The following URI1 variants were observed in gnomAD, a reference collection of about 807,000 sequenced individuals.
URI1 encodes the protein unconventional prefoldin RPB5 interactor 1.
Under a neutral mutation model 60.2 loss-of-function variants are expected in URI1, and 39 were observed. The ratio of observed to expected loss-of-function variants is 0.65; its 90% CI spans 0.50 to 0.85. URI1 has a LOEUF of 0.85. URI1 is among the 40% of genes least tolerant of loss of function. The probability of loss-of-function intolerance (pLI) is 0.00; values close to 1 mark genes in which losing one functional copy is unlikely to be tolerated. For synonymous variants in URI1, 251 were observed against 236.8 expected, an observed-to-expected ratio of 1.06 and a Z score of -0.55; for missense variants, 691 against 665.9, an observed-to-expected ratio of 1.04 and a Z score of -0.42.
intron 1 of URI1, among the ~76,000 whole-genome samples, chr19:29,953,275 A>G (rs575675383): frequency 4.6e-5 from 7 of 152,166 alleles, no homozygotes; most frequent in South Asian, 4.1e-4. Flanking sequence ...TTTGGTTACA[A>G]TGGCCACATC....
In URI1 at chr19:29,942,604, C is replaced by A. The variant is rs767019685; in HGVS notation, c.57C>A (p.Ala19=). The A allele has an allele frequency of 6.1e-6, 9 of 1,473,394 alleles. No homozygotes were observed. The highest frequency in any genetic ancestry group is 1.3e-5 in the South Asian group (1 of 76,110). The allele number at this position is 1,473,394 out of a possible 1,614,324, so 91.3% of individuals were successfully genotyped here. Residue 19 remains alanine, a synonymous_variant, in exon 1 of 11, where the codon GCC becomes GCA. Transcript: ENST00000392271. Reference sequence around the variant, plus strand: ...ACCCCTCGCCCCCTTCGGCCCCGGCCCCTGCCCTGGTTCCGTTGCGCGCCC... The same window carrying A: ...ACCCCTCGCCCCCTTCGGCCCCGGCACCTGCCCTGGTTCCGTTGCGCGCCC... The part of the protein sequence containing the change: ...PPDPSPPSAP[A]PALVPLRAPD...
intron 2 of URI1, among the ~76,000 whole-genome samples, chr19:29,974,457 A>G (rs1036312907): frequency 1.3e-5 from 2 of 152,242 alleles, no homozygotes; most frequent in Admixed American, 1.3e-4. Context: ...AGAATTTCAA[A>G]TGAAAGGTGA....
chr19:29,950,404 CT>C (rs1568411990), intron 1 of URI1, among the ~76,000 whole-genome samples: 1 of 152,022 alleles, frequency 6.6e-6, no homozygotes, highest in African/African-American at 2.4e-5. Flanking sequence ...ATGTCTCAAT[CT>C]TTTTAGTCTG....
At chr19:29,963,877 C>T (rs972852879) in intron 1 of URI1, among the ~76,000 whole-genome samples, 8 of 152,158 alleles carry the variant, frequency 5.3e-5, no homozygotes, top group African/African-American at 1.7e-4. Context: ...CTCACTACAC[C>T]ATATTTCCTT....
At chr19:29,957,058 C>T in intron 1 of URI1, 1 of 544,834 alleles carries the variant, frequency 1.8e-6, no homozygotes, top group Non-Finnish European at 3.3e-6. Context: ...TGGATGATGT[C>T]ATTTTGTCAT....
intron 8 of URI1, 48 bp from the exon 9 acceptor site, chr19:30,011,046 T>C: frequency 6.3e-7 from 1 of 1,577,266 alleles, no homozygotes; most frequent in Non-Finnish European, 8.6e-7. Flanking sequence ...GGTTTCACTT[T>C]GATTTAATTT....
chr19:29,927,703 A>G (rs1268297379), intron 1 of URI1, among the ~76,000 whole-genome samples: 1 of 150,110 alleles, frequency 6.7e-6, no homozygotes, highest in African/African-American at 2.5e-5. Flanking sequence ...CAGCCTCCCC[A>G]GTAGCTGGGA....
intron 1 of URI1, among the ~76,000 whole-genome samples, chr19:29,927,640 G>A (rs1193132094): frequency 1.6e-5 from 2 of 128,926 alleles, no homozygotes; most frequent in Admixed American, 9.2e-5. Flanking sequence ...GCAATGGCGT[G>A]ATCTCAGCTC....
intron 2 of URI1, among the ~76,000 whole-genome samples, chr19:29,984,197 G>T (rs982316988): frequency 6.6e-6 from 1 of 152,160 alleles, no homozygotes; most frequent in Non-Finnish European, 1.5e-5. Context: ...AGGCTGCGGT[G>T]GGGGGATCGC....
Position 30,011,181 on chromosome 19 carries a change from A to G in URI1, c.1123A>G (p.Ser375Gly), listed in dbSNP as rs1271256746. Residue 375 changes from serine to glycine, a missense_variant, in exon 9 of 11, where the codon AGT becomes GGT. Physicochemically the swap from Ser to Gly is moderately conservative, Grantham distance 56. Transcript: ENST00000392271. ...ACGTAAACGAAAGAACAGCACTGGCAGTGGCCACTCTGCCCAGGAGCTGCC... is the reference window on the plus strand; with the variant it reads ...ACGTAAACGAAAGAACAGCACTGGCGGTGGCCACTCTGCCCAGGAGCTGCC... ...AKRKRKNSTG[S>G]GHSAQELPTI... 1.2e-6 allele frequency: 2 copies of G among 1,612,512 alleles called. No homozygotes were observed. The highest frequency in any genetic ancestry group is 1.7e-6 in the Non-Finnish European group (2 of 1,179,460).
At chr19:29,996,603 C>G (rs1310238877) in intron 4 of URI1, among the ~76,000 whole-genome samples, 1 of 151,872 alleles carries the variant, frequency 6.6e-6, no homozygotes. Flanking sequence ...ATTTGTTTTT[C>G]TTGCTTAATT....
At chr19:29,968,307 C>T (rs2055414088) in intron 1 of URI1, among the ~76,000 whole-genome samples, 1 of 151,936 alleles carries the variant, frequency 6.6e-6, no homozygotes, top group Non-Finnish European at 1.5e-5. Context: ...TTTTGTTCTT[C>T]CATTGTGGTC....
intron 1 of URI1, among the ~76,000 whole-genome samples, chr19:29,949,439 C>G (rs1220499814): frequency 6.6e-6 from 1 of 151,712 alleles, no homozygotes; most frequent in East Asian, 2.0e-4. Context: ...GGCAGCCGGG[C>G]AGAGGGGCTC....
rs56181840 is a variant in URI1 at position 29,931,910 on chromosome 19, TTGTGTGTGTGTGTG to T, written c.63+8180_63+8193del. Reference sequence around the variant, plus strand: ...TTGCTGAATTTATTAGCTCTAACAGTTGTGTGTGTGTGTGTGTGTGTGTGTGTGTGTGTGTGTTG... The same window carrying T: ...TTGCTGAATTTATTAGCTCTAACAGTTGTGTGTGTGTGTGTGTGTGTGTTG... On this transcript the variant is annotated intron_variant, in intron 1 of 10. Coordinates refer to the URI1 transcript ENST00000360605. 2.4e-4 allele frequency among the ~76,000 whole-genome samples: 33 copies of T among 140,084 alleles called. 3 individuals carry two copies. Among genetic ancestry groups the T allele is most frequent in the African/African-American group, 8.5e-4 (32 of 37,518 alleles). 91.9% of individuals were successfully genotyped at this position (140,084 alleles called of 152,430 possible).
intron 1 of URI1, among the ~76,000 whole-genome samples, chr19:29,933,082 T>C (rs568216825): frequency 6.6e-6 from 1 of 152,388 alleles, no homozygotes; most frequent in South Asian, 2.1e-4. Context: ...TTTGTGTTTA[T>C]GTTCATAAGG....
chr19:30,005,304 T>A (rs2145431041), intron 4 of URI1, 57 bp from the exon 5 acceptor site: 2 of 985,144 alleles, frequency 2.0e-6, no homozygotes, highest in South Asian at 3.3e-5. Flanking sequence ...AGTTAAAATA[T>A]TCCTACAGGT....
In URI1 at chr19:30,015,941, A is replaced by G. The variant is rs2056080438; in HGVS notation, c.*872A>G. On this transcript the variant is annotated 3_prime_UTR_variant, in exon 11 of 11. Transcript: ENST00000392271. Reference sequence around the variant, plus strand: ...ATCTTCCCAACATTTTCATTCTTTAAGGCTACTTTCCTACTAACTGAAATA... The same window carrying G: ...ATCTTCCCAACATTTTCATTCTTTAGGGCTACTTTCCTACTAACTGAAATA... 1 of 181,962 alleles carries G rather than the reference A, an allele frequency of 5.5e-6. No homozygotes were observed. The highest frequency in any genetic ancestry group is 6.1e-5 in the Admixed American group (1 of 16,268). 11.3% of individuals were successfully genotyped at this position (181,962 alleles called of 1,614,324 possible).
At chr19:29,959,829 C>T (rs1017559708) in intron 1 of URI1, among the ~76,000 whole-genome samples, 1 of 151,574 alleles carries the variant, frequency 6.6e-6, no homozygotes, top group African/African-American at 2.4e-5. Flanking sequence ...TCTAAGTCTG[C>T]TTTCTACTTT....
chr19:29,994,767 T>C (rs1431317561), intron 4 of URI1, among the ~76,000 whole-genome samples: 1 of 151,762 alleles, frequency 6.6e-6, no homozygotes, highest in Admixed American at 6.6e-5. Flanking sequence ...CTGGATCATA[T>C]GGAAATTCTG....
Sources: gnomAD v4.1 joint callset for allele counts (sites outside exome capture counted in the v4.1 genomes callset) on GRCh38, gnomAD v4.1.1 for gene constraint, MANE v1.5 for transcripts, NCBI Gene and HGNC (gene_info 2026-07-23, HGNC 2026-07-21) for gene names.